CACNA1I: variants seen among roughly 807,000 people sequenced by gnomAD.
CACNA1I encodes the protein voltage-dependent T-type calcium channel subunit alpha-1I.
Under a neutral mutation model 201.6 loss-of-function variants are expected in CACNA1I, and 74 were observed. The ratio of observed to expected loss-of-function variants is 0.37; its 90% confidence interval spans 0.30 to 0.45. The LOEUF (loss-of-function observed/expected upper bound fraction) is 0.45, where lower values mean the gene tolerates loss of function less well. Ranked by LOEUF, CACNA1I falls within the 20% of genes least tolerant of loss-of-function variation. The pLI, the probability that CACNA1I is intolerant of heterozygous loss-of-function variation, is 1.00. For missense variants in CACNA1I, 2,346 were observed against 3,138.1 expected (o/e 0.75, Z 6.03); for synonymous variants, 1,431 against 1,345.2 (o/e 1.06, Z -1.40).
Position 39,686,128 on chromosome 22 carries a change from T to C in CACNA1I, c.6395T>C (p.Leu2132Pro). The C allele has an allele frequency of 8.2e-7, 1 of 1,226,254 alleles. No homozygotes were observed. Among genetic ancestry groups the C allele is most frequent in the East Asian group, 3.7e-5 (1 of 27,018 alleles). The allele number at this position is 1,226,254 out of a possible 1,614,324, so 76.0% of individuals were successfully genotyped here. Residue 2132 changes from leucine (L) to proline (P), a missense_variant, in exon 37 of 37, where the codon CTC (leucine) becomes CCC (proline). Around this residue, in one of 13 missense-constraint regions of CACNA1I, gnomAD observed 187 missense variants for 151.0 expected, o/e 1.24. Coordinates refer to ENST00000402142, the MANE Select transcript of CACNA1I (RefSeq NM_021096.4). ...EHSETLSSLS[L>P]TSLFCPPPPP... is the part of the protein sequence containing the mutation. The stretch of plus-strand genomic sequence containing the variant: ...TCGGAGACCCTCAGCAGCCTCTCGC[T>C]CACCTCCCTCTTCTGCCCGCCGCCC...
At chr22:39,603,791 C>T (rs1224146974) in intron 3 of CACNA1I, among the ~76,000 whole-genome samples, 1 of 152,132 alleles carries the variant, frequency 6.6e-6, no homozygotes, top group African/African-American at 2.4e-5. Flanking sequence ...ATTAGGAAAA[C>T]AGACATCGGA....
chr22:39,627,897 A>T lies in CACNA1I; in HGVS notation c.581-6668A>T, dbSNP rs376630873. 4.9e-5 allele frequency among the ~76,000 whole-genome samples: 3 copies of T among 61,034 alleles called. No individual in the cohort carries two copies. In the East Asian group the frequency reaches 1.4e-3, roughly 28 times the overall value. 40.0% of individuals were successfully genotyped at this position (61,034 alleles called of 152,430 possible). A position where few individuals can be genotyped will look rare whatever the true frequency, so the allele number is the denominator to read the frequency against. On this transcript the variant is annotated intron_variant, in intron 4 of 36. Transcript: ENST00000402142. ...GGGAGAGAAATGGGGAGATGAAATG[A>T]GGGGGGCCAGTTTCCCCAGGGCTGC...
intron 29 of CACNA1I, 132 bp downstream of exon 29, chr22:39,674,165 A>G: frequency 2.4e-6 from 2 of 821,000 alleles, no homozygotes; most frequent in African/African-American, 3.4e-5. Flanking sequence ...CTGGGGATGC[A>G]TTTTGAGCCA....
chr22:39,581,628 C>G (rs1456479621), intron 1 of CACNA1I, among the ~76,000 whole-genome samples: 3 of 152,124 alleles, frequency 2.0e-5, no homozygotes. Flanking sequence ...AAGGGCCAGC[C>G]CCTGCCAGGG....
At chr22:39,616,089 C>T (rs139296041) in intron 3 of CACNA1I, among the ~76,000 whole-genome samples, 8 of 152,220 alleles carry the variant, frequency 5.3e-5, no homozygotes, top group Non-Finnish European at 1.2e-4. Flanking sequence ...GGTGTGTTCC[C>T]GTGCTGAAGA....
intron 7 of CACNA1I, among the ~76,000 whole-genome samples, chr22:39,646,013 G>T (rs1450058780): frequency 6.6e-6 from 1 of 152,216 alleles, no homozygotes; most frequent in Non-Finnish European, 1.5e-5. Context: ...GACGGGCTGT[G>T]GCCTCCCTCT....
chr22:39,616,885 GTGTC>G (rs1933555252), intron 3 of CACNA1I, among the ~76,000 whole-genome samples: 2 of 152,212 alleles, frequency 1.3e-5, no homozygotes, highest in Admixed American at 6.5e-5. Flanking sequence ...GCCATGGTTG[GTGTC>G]CTCACTTAAC....
At position 39,642,898 on chromosome 22, in the gene CACNA1I, C is replaced by T. The variant is rs1054261467; in HGVS notation, c.1149+9C>T. ...TCATCCTGCTTATCATAGTAAGTGTCAGGGAGCCTGGGCTCCTAGGTGTGC... is the reference window on the plus strand; with the variant it reads ...TCATCCTGCTTATCATAGTAAGTGTTAGGGAGCCTGGGCTCCTAGGTGTGC... On this transcript the variant is annotated intron_variant, in intron 7 of 36. Transcript: ENST00000402142. 6.3e-7 allele frequency: 1 copy of T among 1,576,288 alleles called. No individual in the cohort carries two copies. Among genetic ancestry groups the T allele is most frequent in the African/African-American group, 1.3e-5 (1 of 74,194 alleles).
intron 1 of CACNA1I, among the ~76,000 whole-genome samples, chr22:39,583,365 TATCCATCC>T (rs61259535): frequency 0.87 from 126,732 of 145,082 alleles, 55,409 homozygotes; most frequent in South Asian, 0.93. Context: ...TCCAACCATC[TATCCATCC>T]ATCCATCCAT....
intron 3 of CACNA1I, among the ~76,000 whole-genome samples, chr22:39,601,099 C>T (rs1004502853): frequency 6.6e-6 from 1 of 152,192 alleles, no homozygotes; most frequent in Admixed American, 6.5e-5. Flanking sequence ...ACACAAGCTG[C>T]CGTCAGGGAC....
At chr22:39,608,657 G>C (rs1193936278) in intron 3 of CACNA1I, among the ~76,000 whole-genome samples, 2 of 146,812 alleles carry the variant, frequency 1.4e-5, no homozygotes, top group Non-Finnish European at 3.0e-5. Context: ...TGGGCAACAT[G>C]GTGAAACCAC....
At chr22:39,582,652 G>T (rs1932592995) in intron 1 of CACNA1I, among the ~76,000 whole-genome samples, 1 of 152,058 alleles carries the variant, frequency 6.6e-6, no homozygotes, top group South Asian at 2.1e-4. Context: ...CAGTCACATA[G>T]ACTTGGATTA....
intron 3 of CACNA1I, among the ~76,000 whole-genome samples, chr22:39,605,814 G>T (rs1164736598): frequency 6.6e-6 from 1 of 152,074 alleles, no homozygotes; most frequent in Non-Finnish European, 1.5e-5. Context: ...CAGGCAGCGG[G>T]GAAGCATGCA....
In CACNA1I at chr22:39,619,233, T is replaced by A. The variant is rs1933653795; in HGVS notation, c.483-77T>A. The A allele has an allele frequency of 1.5e-5, 16 of 1,097,068 alleles. No homozygotes were observed. The South Asian group carries it at 2.0e-4, about 14-fold the overall frequency. 68.0% of individuals were successfully genotyped at this position (1,097,068 alleles called of 1,614,324 possible). A position where few individuals can be genotyped will look rare whatever the true frequency, so the allele number is the denominator to read the frequency against. ...GTCCAGGCAGTAGTGCGCAGGTGGC[T>A]GGAGAATGCTGTGGCCCGGGCCCTG... On this transcript the variant is annotated intron_variant, in intron 3 of 36. Coordinates refer to ENST00000402142, the MANE Select transcript of CACNA1I (RefSeq NM_021096.4).
At position 39,662,314 on chromosome 22, in the gene CACNA1I, C is replaced by A; in HGVS notation, c.3251C>A (p.Ala1084Glu). 1 of 1,479,668 alleles carries A rather than the reference C, an allele frequency of 6.8e-7. No homozygotes were observed. The highest frequency in any genetic ancestry group is 8.9e-7 in the Non-Finnish European group (1 of 1,123,556). 91.7% of individuals were successfully genotyped at this position (1,479,668 alleles called of 1,614,324 possible). A position where few individuals can be genotyped will look rare whatever the true frequency, so the allele number is the denominator to read the frequency against. ...VGAHPRAAWR[A>E]AGPAPGHEDC... ...GCCCACCCCCGGGCCGCCTGGAGGG[C>A]GGCAGGCCCGGCCCCCGGGCATGAG... is the stretch of plus-strand genomic sequence containing the variant. The change falls in exon 17 of 37, where the codon GCG (alanine) becomes GAG (glutamate). Residue 1084 changes from alanine (A) to glutamate (E), a missense_variant. By Grantham distance (107) the Ala-to-Glu change is moderately radical. Around this residue, in one of 13 missense-constraint regions of CACNA1I, gnomAD observed 288 missense variants for 255.2 expected, o/e 1.13. Coordinates refer to ENST00000402142, the MANE Select transcript of CACNA1I (RefSeq NM_021096.4).
chr22:39,651,102 C>T (rs1221359880), intron 10 of CACNA1I, among the ~76,000 whole-genome samples: 2 of 152,198 alleles, frequency 1.3e-5, no homozygotes, highest in Non-Finnish European at 2.9e-5. Flanking sequence ...CCCAGCTCTG[C>T]GAAGGTTCCC....
In CACNA1I at chr22:39,641,164, T is replaced by C. The variant is rs770745285; in HGVS notation, c.1038T>C (p.Ala346=). 11 of 1,613,002 alleles carry C rather than the reference T, an allele frequency of 6.8e-6. No individual in the cohort carries two copies. In the South Asian group the frequency reaches 1.2e-4, roughly 18 times the overall value. The part of the protein sequence containing the change: ...GAINFDNIGY[A]WIVIFQVITL... Reference sequence around the variant, plus strand: ...TCAACTTTGACAACATCGGTTATGCTTGGATTGTCATCTTCCAGGTGAGGC... The same window carrying C: ...TCAACTTTGACAACATCGGTTATGCCTGGATTGTCATCTTCCAGGTGAGGC... Residue 346 remains alanine (A), a synonymous_variant, in exon 6 of 37, where the codon GCT becomes GCC. Transcript: ENST00000402142.
At chr22:39,683,289 G>A (rs1395636974) in intron 35 of CACNA1I, among the ~76,000 whole-genome samples, 3 of 152,266 alleles carry the variant, frequency 2.0e-5, no homozygotes, top group Non-Finnish European at 4.4e-5. Context: ...GCTGTGGAGG[G>A]AGGCAGAGAG....
intron 1 of CACNA1I, among the ~76,000 whole-genome samples, chr22:39,595,330 A>T (rs1318609741): frequency 6.6e-6 from 1 of 151,510 alleles, no homozygotes; most frequent in East Asian, 1.9e-4. Context: ...ATAAAATAAA[A>T]TAAAACAATT....
Sources: allele counts gnomAD v4.1 joint callset (sites outside exome capture counted in the v4.1 genomes callset), GRCh38; gene constraint gnomAD v4.1.1; regional missense constraint gnomAD v4.1.1; transcripts MANE v1.5; gene names NCBI Gene and HGNC (gene_info 2026-07-23, HGNC 2026-07-21).